The following ARHGEF4 variants were observed in gnomAD, a reference collection of about 807,000 sequenced individuals.
ARHGEF4 encodes Rho guanine nucleotide exchange factor 4, also known as APC-stimulated guanine nucleotide exchange factor 1.
Under a neutral mutation model 162.0 loss-of-function variants are expected in ARHGEF4, and 119 were observed. That is an observed-to-expected ratio of 0.73 (90% CI 0.63 to 0.86). The LOEUF is 0.86. Among genes scored for constraint, ARHGEF4 ranks in the 40% least tolerant of loss-of-function variants. The pLI, the probability that ARHGEF4 is intolerant of heterozygous loss-of-function variation, is 0.00. For synonymous variants in ARHGEF4, 1,014 were observed against 979.9 expected, an observed-to-expected ratio of 1.03 and a Z score of -0.65; for missense variants, 2,488 against 2,456.0, an observed-to-expected ratio of 1.01 and a Z score of -0.28.
chr2:130,987,091 C>T (rs1199402642), intron 4 of ARHGEF4, among the ~76,000 whole-genome samples: 1 of 152,222 alleles, frequency 6.6e-6, no homozygotes, highest in Non-Finnish European at 1.5e-5. Context: ...TGGGGAGGAG[C>T]CACTGCAGGC....
At chr2:130,951,762 A>G (rs1353244635) in intron 4 of ARHGEF4, among the ~76,000 whole-genome samples, 3 of 152,310 alleles carry the variant, frequency 2.0e-5, no homozygotes, top group Admixed American at 6.5e-5. Flanking sequence ...CATCAACTTC[A>G]GATTTATACT....
At chr2:130,952,321 T>A (rs992048975) in intron 4 of ARHGEF4, among the ~76,000 whole-genome samples, 7 of 152,080 alleles carry the variant, frequency 4.6e-5, no homozygotes, top group Admixed American at 6.6e-5. Flanking sequence ...ATTTCTTTTT[T>A]AAAAAAAATC....
chr2:130,930,919 T>TCTGACCC (rs1340232677), intron 2 of ARHGEF4, 33 bp from the exon 3 acceptor site: 2 of 1,571,618 alleles, frequency 1.3e-6, no homozygotes, highest in African/African-American at 2.7e-5. Context: ...TCCTTTGACC[T>TCTGACCC]CTGACCCCTG....
At chr2:130,921,278 G>A (rs1363963805) in intron 2 of ARHGEF4, among the ~76,000 whole-genome samples, 1 of 152,166 alleles carries the variant, frequency 6.6e-6, no homozygotes, top group Admixed American at 6.5e-5. Flanking sequence ...GGGGCGGGCG[G>A]ATCACGAGGT....
In ARHGEF4 at chr2:130,916,457, G is replaced by A. The variant is rs1278169968; in HGVS notation, c.2511G>A (p.Pro837=). ...SGPEGLPREN[P]PAAAGRDAPP... ...CCGAGGGGCTCCCCAGGGAGAATCC[G>A]CCCGCTGCGGCCGGTCGGGACGCAC... The change falls in exon 2 of 14, where the codon CCG becomes CCA. Residue 837 remains proline (P), a synonymous_variant. Transcript: ENST00000409359. 2.6e-6 allele frequency: 4 copies of A among 1,541,800 alleles called. No individual in the cohort carries two copies. The highest frequency in any genetic ancestry group is 2.7e-5 in the African/African-American group (2 of 72,922).
At position 130,916,918 on chromosome 2, in the gene ARHGEF4, G is replaced by C. The variant is rs764593895; in HGVS notation, c.2972G>C (p.Arg991Pro). 5.2e-6 allele frequency: 8 copies of C among 1,550,594 alleles called. No individual in the cohort carries two copies. The highest frequency in any genetic ancestry group is 2.6e-6 in the Non-Finnish European group (3 of 1,147,014). The change falls in exon 2 of 14, where the codon CGG becomes CCG. Residue 991 changes from arginine to proline, a missense_variant. By Grantham distance (103) the Arg-to-Pro change is moderately radical (BLOSUM62 -2). This residue lies in a region of ARHGEF4 where 1,642 missense variants were observed against 1,481.5 expected (regional missense o/e 1.11). Transcript: ENST00000409359. ...GAGACCGACAGCCACTGTGAGGAAC[G>C]GGCGGAGGACAAAGAGGGCTATGTT... ...PAETDSHCEERAEDKEGYVFS... is the reference protein window; with the variant it reads ...PAETDSHCEEPAEDKEGYVFS...
chr2:131,011,560 A>G (rs1688451473), intron 4 of ARHGEF4: 1 of 1,430,416 alleles, frequency 7.0e-7, no homozygotes, highest in Non-Finnish European at 9.3e-7. Context: ...ATGTGCTTCC[A>G]TATCAGCCAC....
At chr2:130,842,686 G>A (rs1158388964) in intron 1 of ARHGEF4, among the ~76,000 whole-genome samples, 1 of 152,144 alleles carries the variant, frequency 6.6e-6, no homozygotes, top group Non-Finnish European at 1.5e-5. Flanking sequence ...CATCTTCCAC[G>A]TGGTAATGTA....
At chr2:130,843,949 T>A (rs570112148) in intron 1 of ARHGEF4, among the ~76,000 whole-genome samples, 1 of 152,240 alleles carries the variant, frequency 6.6e-6, no homozygotes, top group African/African-American at 2.4e-5. Flanking sequence ...TCTCCAGGTA[T>A]GGGCTGGGCA....
rs1683638989 is a variant in ARHGEF4, at chr2:130,946,648, C to T, written c.3985+13C>T. On this transcript the variant is annotated intron_variant, in intron 4 of 13. Coordinates refer to ENST00000409359, the MANE Select transcript of ARHGEF4 (RefSeq NM_001367493.1). ...ACACCAGGCACTGGTGAGTTACGCGCCTCTCTCTTTTGCTATGTACTCTGG... is the reference window on the plus strand; with the variant it reads ...ACACCAGGCACTGGTGAGTTACGCGTCTCTCTCTTTTGCTATGTACTCTGG... 6.2e-7 allele frequency: 1 copy of T among 1,613,608 alleles called. No homozygotes were observed. The highest frequency in any genetic ancestry group is 8.5e-7 in the Non-Finnish European group (1 of 1,179,728).
chr2:130,874,098 CT>C (rs111514136), intron 1 of ARHGEF4, among the ~76,000 whole-genome samples: 25,431 of 152,066 alleles, frequency 0.17, 4,397 homozygotes, highest in African/African-American at 0.44. Flanking sequence ...TTTAACTCTC[CT>C]TTTTACGAGC....
intron 4 of ARHGEF4, among the ~76,000 whole-genome samples, chr2:130,975,770 C>T (rs1053065409): frequency 6.6e-6 from 1 of 152,190 alleles, no homozygotes; most frequent in African/African-American, 2.4e-5. Context: ...ATCCCTGGCA[C>T]ATTTTAAAAC....
chr2:130,963,358 C>T (rs1217010627), intron 4 of ARHGEF4, among the ~76,000 whole-genome samples: 1 of 151,984 alleles, frequency 6.6e-6, no homozygotes, highest in Non-Finnish European at 1.5e-5. Flanking sequence ...CCGGCGCGCA[C>T]GCCTGCCCGC....
At chr2:131,042,516 C>T (rs1690896285) in intron 10 of ARHGEF4, among the ~76,000 whole-genome samples, 1 of 152,060 alleles carries the variant, frequency 6.6e-6, no homozygotes, top group Admixed American at 6.6e-5. Flanking sequence ...TCCCTACCCA[C>T]ATGGGTGCTG....
intron 4 of ARHGEF4, among the ~76,000 whole-genome samples, chr2:131,003,646 C>CAGG (rs1687922573): frequency 6.6e-6 from 1 of 152,200 alleles, no homozygotes; most frequent in African/African-American, 2.4e-5. Flanking sequence ...GAGTGACACT[C>CAGG]CTGTTAAGAT....
intron 4 of ARHGEF4, among the ~76,000 whole-genome samples, chr2:130,970,665 A>G (rs1009091043): frequency 2.6e-5 from 4 of 151,460 alleles, no homozygotes; most frequent in African/African-American, 7.3e-5. Context: ...GCATTTTCCT[A>G]GCAACTCCTA....
At chr2:131,021,731 C>T (rs1689150669) in intron 4 of ARHGEF4, among the ~76,000 whole-genome samples, 3 of 152,198 alleles carry the variant, frequency 2.0e-5, no homozygotes, top group Admixed American at 2.0e-4. Context: ...AGCAGGCATC[C>T]TTGTCTCGTT....
chr2:130,998,801 C>T (rs1687568780), intron 4 of ARHGEF4, among the ~76,000 whole-genome samples: 1 of 152,182 alleles, frequency 6.6e-6, no homozygotes, highest in African/African-American at 2.4e-5. Context: ...TTTGTGTGAA[C>T]ATGTTTTCGA....
intron 1 of ARHGEF4, among the ~76,000 whole-genome samples, chr2:130,897,791 A>G (rs1680248197): frequency 6.6e-6 from 1 of 152,196 alleles, no homozygotes; most frequent in African/African-American, 2.4e-5. Context: ...CTCTTCCAGA[A>G]AAGTCTTTTC....
Sources: gnomAD v4.1 joint callset for allele counts (sites outside exome capture counted in the v4.1 genomes callset) on GRCh38, gnomAD v4.1.1 for gene constraint, gnomAD v4.1.1 regional missense constraint, MANE v1.5 for transcripts, NCBI Gene and HGNC (gene_info 2026-07-23, HGNC 2026-07-21) for gene names.